CST1: variants seen among roughly 807,000 people sequenced by gnomAD.
CST1 encodes cystatin SN, also known as cystatin-SN.
Under a neutral mutation model 10.7 loss-of-function variants are expected in CST1, and 19 were observed. The observed-to-expected ratio is 1.78, with a 90% confidence interval of 1.24 to 2.61. CST1 has a LOEUF of 2.61. Among genes scored for constraint, CST1 ranks in the 30% most tolerant of loss-of-function variants. The pLI is 0.00. For synonymous variants in CST1, 95 were observed against 72.8 expected (o/e 1.31, Z -1.55); for missense variants, 247 against 178.1 (o/e 1.39, Z -2.20).
intron 2 of CST1, among the ~76,000 whole-genome samples, chr20:23,748,575 T>C (rs1021881282): frequency 6.6e-6 from 1 of 151,950 alleles, no homozygotes; most frequent in Non-Finnish European, 1.5e-5. Flanking sequence ...CAGGCAACAC[T>C]CCAAAGCAGG....
Position 23,747,834 on chromosome 20 carries a change from G to A in CST1, c.408C>T (p.Ser136=), listed in dbSNP as rs778643769. ...CAGATCCCTAGGATTCTTGACACCT[G>A]GATTTCACCAGGGACCTTCTGTTCT... ...PWENRRSLVK[S]RCQES The change falls in exon 3 of 3, where the codon TCC becomes TCT. Residue 136 remains serine (S), a synonymous_variant. Coordinates refer to ENST00000304749, the MANE Select transcript of CST1 (RefSeq NM_001898.3). 16 of 1,613,958 alleles carry A rather than the reference G, an allele frequency of 9.9e-6. No homozygotes were observed. The South Asian group carries it at 1.8e-4, about 18-fold the overall frequency.
chr20:23,747,817 T>C lies in CST1; in HGVS notation c.425A>G (p.Ter142TrpextTer80), dbSNP rs745769915. ...GTGCGAATGGCCTGGCACAGATCCC[T>C]AGGATTCTTGACACCTGGATTTCAC... ...SLVKSRCQES[*>W] Residue 142 changes from the stop codon to tryptophan, a stop_lost, in exon 3 of 3, where the codon TAG (stop) becomes TGG (tryptophan). Coordinates refer to ENST00000304749, the MANE Select transcript of CST1 (RefSeq NM_001898.3). 1.2e-6 allele frequency: 2 copies of C among 1,613,754 alleles called. No homozygotes were observed. The highest frequency in any genetic ancestry group is 1.7e-6 in the Non-Finnish European group (2 of 1,179,704).
chr20:23,750,277 T>C (rs1193040353), intron 1 of CST1, among the ~76,000 whole-genome samples: 2 of 152,152 alleles, frequency 1.3e-5, no homozygotes, highest in Non-Finnish European at 2.9e-5. Flanking sequence ...GCCAGGTTCC[T>C]GTGTGGCCCC....
chr20:23,748,661 C>A (rs1194684756), intron 2 of CST1, among the ~76,000 whole-genome samples: 6 of 152,148 alleles, frequency 3.9e-5, no homozygotes, highest in Admixed American at 3.3e-4. Context: ...TCCTCCCTCA[C>A]CACCCCATCT....
At chr20:23,749,207 G>A (rs1982762083) in intron 1 of CST1, 78 bp from the exon 2 acceptor site, 1 of 1,184,038 alleles carries the variant, frequency 8.4e-7, no homozygotes, top group Non-Finnish European at 1.3e-6. Context: ...TGAGTCACTG[G>A]ACTTGCTTGG....
rs1982694448 is a variant in CST1 at position 23,747,597 on chromosome 20, G to T, written c.*219C>A. On this transcript the variant is annotated 3_prime_UTR_variant, in exon 3 of 3. Transcript: ENST00000304749. ...CTGTTTAATTGCAGGAGGTGGGGGG[G>T]TGTGTACCATGTACCAGGGCTATTA... is the stretch of plus-strand genomic sequence containing the variant. 3 of 589,386 alleles carry T rather than the reference G, an allele frequency of 5.1e-6. No individual in the cohort carries two copies. Among genetic ancestry groups the T allele is most frequent in the Non-Finnish European group, 6.1e-6 (2 of 330,558 alleles). The allele number at this position is 589,386 out of a possible 1,614,324, so 36.5% of individuals were successfully genotyped here.
In CST1 at chr20:23,747,590, TGG is replaced by T. The variant is rs1038788397; in HGVS notation, c.*224_*225del. The stretch of plus-strand genomic sequence containing the variant: ...GATGCTACTGTTTAATTGCAGGAGG[TGG>T]GGGGGTGTGTACCATGTACCAGGGC... On this transcript the variant is annotated 3_prime_UTR_variant, in exon 3 of 3. Transcript: ENST00000304749. 1.7e-6 allele frequency: 1 copy of T among 574,266 alleles called. No individual in the cohort carries two copies. Among genetic ancestry groups the T allele is most frequent in the Non-Finnish European group, 3.1e-6 (1 of 321,688 alleles). The allele number at this position is 574,266 out of a possible 1,614,324, so 35.6% of individuals were successfully genotyped here.
At chr20:23,750,614 C>A (rs563713823) in intron 1 of CST1, 25 bp downstream of exon 1, 4 of 1,604,694 alleles carry the variant, frequency 2.5e-6, no homozygotes, top group African/African-American at 2.7e-5. Flanking sequence ...GGACCCAGGA[C>A]CCCTGGGGTG....
Position 23,749,009 on chromosome 20 carries a change from A to C in CST1, c.342+7T>G. 1 of 1,614,172 alleles carries C rather than the reference A, an allele frequency of 6.2e-7. No homozygotes were observed. The highest frequency in any genetic ancestry group is 8.5e-7 in the Non-Finnish European group (1 of 1,180,012). ...TGACTGGCCCGGGACCTGCATCAGGAACGTACCTTCTGCAGTTCTGGCTGT... is the reference window on the plus strand; with the variant it reads ...TGACTGGCCCGGGACCTGCATCAGGCACGTACCTTCTGCAGTTCTGGCTGT... On this transcript the variant is annotated splice_region_variant and intron_variant, in intron 2 of 2. Coordinates refer to ENST00000304749, the MANE Select transcript of CST1 (RefSeq NM_001898.3).
In CST1 at chr20:23,750,657, T is replaced by C; in HGVS notation, c.210A>G (p.Val70=). The change falls in exon 1 of 3, where the codon GTA becomes GTG. Residue 70 remains valine, a synonymous_variant. Transcript: ENST00000304749. Reference sequence around the variant, plus strand: ...CACCTACCTGTTGCCTGGCTCTTAGTACCCGCAGCGGACGTCTGTAGTAGT... The same window carrying C: ...CACCTACCTGTTGCCTGGCTCTTAGCACCCGCAGCGGACGTCTGTAGTAGT... ...KDDYYRRPLR[V]LRARQQTVGG... The C allele has an allele frequency of 6.2e-7, 1 of 1,613,832 alleles. No individual in the cohort carries two copies. The highest frequency in any genetic ancestry group is 8.5e-7 in the Non-Finnish European group (1 of 1,179,998).
At chr20:23,748,903 C>A (rs1355301746) in intron 2 of CST1, 113 bp downstream of exon 2, 12 of 800,394 alleles carry the variant, frequency 1.5e-5, no homozygotes, top group South Asian at 1.3e-4. Flanking sequence ...TACACGGCTC[C>A]CCACATACCC....
At position 23,747,915 on chromosome 20, in the gene CST1, G is replaced by T. The variant is rs778539657; in HGVS notation, c.343-16C>A. The T allele has an allele frequency of 4.4e-6, 7 of 1,607,536 alleles. No homozygotes were observed. Among genetic ancestry groups the T allele is most frequent in the Non-Finnish European group, 5.1e-6 (6 of 1,174,188 alleles). On this transcript the variant is annotated splice_polypyrimidine_tract_variant and intron_variant, in intron 2 of 2. Transcript: ENST00000304749. ...ACAACTGTTTCTGTGAAAGGGAAGAGAGAGGGCCAATCAGTGTGGGTTACA... is the reference window on the plus strand; with the variant it reads ...ACAACTGTTTCTGTGAAAGGGAAGATAGAGGGCCAATCAGTGTGGGTTACA...
At chr20:23,748,022 C>G (rs769652154) in intron 2 of CST1, 123 bp from the exon 3 acceptor site, 3 of 907,004 alleles carry the variant, frequency 3.3e-6, no homozygotes, top group Middle Eastern at 4.3e-4. Flanking sequence ...CCTCACCCAC[C>G]CCTACTGAGT....
chr20:23,748,212 C>G (rs947870611), intron 2 of CST1, among the ~76,000 whole-genome samples: 1 of 152,090 alleles, frequency 6.6e-6, no homozygotes, highest in Non-Finnish European at 1.5e-5. Context: ...GGGGAGGCAG[C>G]TCAGTTCCCC....
At position 23,747,909 on chromosome 20, in the gene CST1, G is replaced by T; in HGVS notation, c.343-10C>A. ...AAGAGCACAACTGTTTCTGTGAAAG[G>T]GAAGAGAGAGGGCCAATCAGTGTGG... On this transcript the variant is annotated splice_polypyrimidine_tract_variant and intron_variant, in intron 2 of 2. Coordinates refer to ENST00000304749, the MANE Select transcript of CST1 (RefSeq NM_001898.3). 1 of 1,610,754 alleles carries T rather than the reference G, an allele frequency of 6.2e-7. No individual in the cohort carries two copies. The highest frequency in any genetic ancestry group is 1.3e-5 in the African/African-American group (1 of 74,952).
chr20:23,749,670 C>A (rs531291345), intron 1 of CST1, among the ~76,000 whole-genome samples: 1 of 152,070 alleles, frequency 6.6e-6, no homozygotes, highest in Non-Finnish European at 1.5e-5. Context: ...TGTGGCAGAG[C>A]TGTGGAGAAA....
At position 23,750,909 on chromosome 20, in the gene CST1, G is replaced by C. The variant is rs565527258; in HGVS notation, c.-43C>G. ...AGCACAAAGCTGGAGCTGCAGGAGA[G>C]GAGGGTGAGAGCCCGAGGCAGGGAG... is the stretch of plus-strand genomic sequence containing the variant. On this transcript the variant is annotated 5_prime_UTR_variant, in exon 1 of 3. Coordinates refer to ENST00000304749, the MANE Select transcript of CST1 (RefSeq NM_001898.3). The C allele has an allele frequency of 6.5e-7, 1 of 1,535,528 alleles. No individual in the cohort carries two copies. Among genetic ancestry groups the C allele is most frequent in the African/African-American group, 1.4e-5 (1 of 72,938 alleles).
rs1982700326 is a variant in CST1 at position 23,747,735 on chromosome 20, G to A, written c.*81C>T. ...CACATGGGGAGGCCTCCCGCAGGGT[G>A]GGGGCCACCAGTCCAGGGGTGGGAG... On this transcript the variant is annotated 3_prime_UTR_variant, in exon 3 of 3. Transcript: ENST00000304749. 2.9e-6 allele frequency: 4 copies of A among 1,398,766 alleles called. No homozygotes were observed. Among genetic ancestry groups the A allele is most frequent in the Non-Finnish European group, 4.0e-6 (4 of 1,001,182 alleles). 86.6% of individuals were successfully genotyped at this position (1,398,766 alleles called of 1,614,324 possible).
At position 23,750,232 on chromosome 20, in the gene CST1, G is replaced by A. The variant is rs749941530; in HGVS notation, c.228+407C>T. ...GCCATAAGGGGCTGTGCCCAGGGGC[G>A]TGACTTGGGGAAGCAGGGCTCTGCA... On this transcript the variant is annotated intron_variant, in intron 1 of 2. Transcript: ENST00000304749. 6.6e-5 allele frequency among the ~76,000 whole-genome samples: 10 copies of A among 152,180 alleles called. 1 individual carries two copies. The highest frequency in any genetic ancestry group is 8.8e-5 in the Non-Finnish European group (6 of 68,018).
Sources: gnomAD v4.1 joint callset for allele counts (sites outside exome capture counted in the v4.1 genomes callset) on GRCh38, gnomAD v4.1.1 for gene constraint, MANE v1.5 for transcripts, NCBI Gene and HGNC (gene_info 2026-07-23, HGNC 2026-07-21) for gene names.